DRAM1: variants seen among roughly 807,000 people sequenced by gnomAD.
DRAM1 encodes the protein DNA damage regulated autophagy modulator 1, also known as DNA damage-regulated autophagy modulator protein 1.
Under a neutral mutation model 28.5 loss-of-function variants are expected in DRAM1, and 25 were observed. The observed-to-expected ratio is 0.88, with a 90% confidence interval of 0.64 to 1.23. The LOEUF (loss-of-function observed/expected upper bound fraction) is 1.23. DRAM1 is among the 50% of genes most tolerant of loss of function. The pLI, the probability that DRAM1 is intolerant of heterozygous loss-of-function variation, is 0.00. For synonymous variants in DRAM1, 113 were observed against 114.2 expected (o/e 0.99, Z 0.07); for missense variants, 249 against 299.2 (o/e 0.83, Z 1.24).
At chr12:101,897,524 T>G (rs368721348) in intron 1 of DRAM1, among the ~76,000 whole-genome samples, 74 of 113,066 alleles carry the variant, frequency 6.5e-4, no homozygotes, top group African/African-American at 1.9e-3. Flanking sequence ...TAGATCTTTT[T>G]TTTTTGTTTT....
chr12:101,918,653 C>A (rs1874348011), intron 5 of DRAM1, among the ~76,000 whole-genome samples: 1 of 152,226 alleles, frequency 6.6e-6, no homozygotes, highest in Non-Finnish European at 1.5e-5. Context: ...TTTACTTACC[C>A]TTGTAGCCTA....
chr12:101,897,161 G>A (rs1001295242), intron 1 of DRAM1, among the ~76,000 whole-genome samples: 1 of 151,798 alleles, frequency 6.6e-6, no homozygotes, highest in Non-Finnish European at 1.5e-5. Context: ...GTGTTTATGT[G>A]TATTTAACAT....
At position 101,922,004 on chromosome 12, in the gene DRAM1, A is replaced by C. The variant is rs1306289199; in HGVS notation, c.*744A>C. 6.6e-6 allele frequency: 1 copy of C among 152,238 alleles called. No individual in the cohort carries two copies. The highest frequency in any genetic ancestry group is 1.5e-5 in the Non-Finnish European group (1 of 68,040). 9.4% of individuals were successfully genotyped at this position (152,238 alleles called of 1,614,324 possible). ...AATGCCAGGTGGAATGGTTTCAACA[A>C]GTCAGGTGAAAACCATCCTTTATTG... On this transcript the variant is annotated 3_prime_UTR_variant, in exon 7 of 7. Transcript: ENST00000258534.
intron 1 of DRAM1, among the ~76,000 whole-genome samples, chr12:101,895,645 A>G (rs1260372855): frequency 1.5e-5 from 2 of 133,338 alleles, no homozygotes; most frequent in Non-Finnish European, 3.0e-5. Flanking sequence ...ATCTCGGCTC[A>G]CTGCAACCTC....
intron 1 of DRAM1, among the ~76,000 whole-genome samples, chr12:101,881,452 A>C (rs10860810): frequency 0.13 from 19,358 of 151,998 alleles, 1,616 homozygotes; most frequent in African/African-American, 0.24. Flanking sequence ...ACCTCAGCCT[A>C]CTGAGTACTT....
chr12:101,878,070 C>T lies in DRAM1; in HGVS notation c.131+150C>T, dbSNP rs1261993951. 3.5e-6 allele frequency: 4 copies of T among 1,157,428 alleles called. No individual in the cohort carries two copies. In the East Asian group the frequency reaches 1.2e-4, roughly 36 times the overall value. 71.7% of individuals were successfully genotyped at this position (1,157,428 alleles called of 1,614,324 possible). ...GCAGGAGGAGAGGTGCTCCCGATAG[C>T]CTGGGATGTTTAGGGAGGCAGCGGG... On this transcript the variant is annotated intron_variant, in intron 1 of 6. Transcript: ENST00000258534.
chr12:101,908,337 C>A lies in DRAM1; in HGVS notation c.494C>A (p.Ala165Asp), dbSNP rs755160311. The change falls in exon 4 of 7, where the codon GCC (alanine) becomes GAC (aspartate). Residue 165 changes from alanine to aspartate, a missense_variant. Ala to Asp is a moderately radical substitution (Grantham distance 126). Coordinates refer to ENST00000258534, the MANE Select transcript of DRAM1 (RefSeq NM_018370.3). Reference sequence around the variant, plus strand: ...TGCCACATACGGATGGTCATCTCTGCCGTTTCTTGCGCAGCTGTCATCCCC... The same window carrying A: ...TGCCACATACGGATGGTCATCTCTGACGTTTCTTGCGCAGCTGTCATCCCC... ...STCHIRMVISAVSCAAVIPMI... is the reference protein window; with the variant it reads ...STCHIRMVISDVSCAAVIPMI... 6.2e-7 allele frequency: 1 copy of A among 1,611,334 alleles called. No homozygotes were observed. The highest frequency in any genetic ancestry group is 2.2e-5 in the East Asian group (1 of 44,870).
chr12:101,919,406 C>T (rs1391217588), intron 5 of DRAM1, among the ~76,000 whole-genome samples: 3 of 152,062 alleles, frequency 2.0e-5, no homozygotes, highest in Non-Finnish European at 4.4e-5. Flanking sequence ...CCTCTCTTTT[C>T]ACAACCATCA....
intron 2 of DRAM1, 149 bp from the exon 3 acceptor site, chr12:101,901,142 A>T (rs1430467295): frequency 3.0e-6 from 2 of 668,198 alleles, no homozygotes; most frequent in Non-Finnish European, 5.0e-6. Context: ...TGCTGGGGAG[A>T]GAGTAAGATG....
intron 1 of DRAM1, among the ~76,000 whole-genome samples, chr12:101,896,792 CTTTTTTTT>C (rs965112322): frequency 6.9e-6 from 1 of 144,876 alleles, no homozygotes; most frequent in Admixed American, 6.9e-5. Flanking sequence ...TTTTCTTTTT[CTTTTTTTT>C]TTTTGAGACA....
intron 1 of DRAM1, among the ~76,000 whole-genome samples, chr12:101,885,823 C>T (rs1413463721): frequency 2.0e-5 from 3 of 152,040 alleles, no homozygotes; most frequent in Non-Finnish European, 2.9e-5. Flanking sequence ...CCACCGCGTC[C>T]GGCCTCCCAG....
At chr12:101,920,338 G>T in intron 6 of DRAM1, 137 bp downstream of exon 6, 1 of 301,686 alleles carries the variant, frequency 3.3e-6, no homozygotes, top group Non-Finnish European at 5.0e-6. Flanking sequence ...TCGCTCTGTC[G>T]CCCAGGCCGG....
chr12:101,920,296 T>TA, intron 6 of DRAM1, 95 bp downstream of exon 6: 97 of 359,422 alleles, frequency 2.7e-4, no homozygotes, highest in Non-Finnish European at 3.5e-4. Flanking sequence ...AAGAGCACTT[T>TA]CTTTTTTTTT....
At chr12:101,888,601 T>A (rs1872975390) in intron 1 of DRAM1, among the ~76,000 whole-genome samples, 1 of 152,164 alleles carries the variant, frequency 6.6e-6, no homozygotes, top group Admixed American at 6.6e-5. Flanking sequence ...CTGAGTCTAC[T>A]GTAAATATAT....
At chr12:101,918,138 A>C (rs916582316) in intron 5 of DRAM1, among the ~76,000 whole-genome samples, 2 of 152,236 alleles carry the variant, frequency 1.3e-5, no homozygotes, top group African/African-American at 4.8e-5. Context: ...TTCACTGAAT[A>C]ATCATTTAGG....
chr12:101,879,005 A>AT (rs1872597030), intron 1 of DRAM1, among the ~76,000 whole-genome samples: 1 of 144,294 alleles, frequency 6.9e-6, no homozygotes, highest in Non-Finnish European at 1.5e-5. Context: ...AATTTTTTTT[A>AT]TTTTTTTGAG....
At chr12:101,916,068 C>T (rs1439376838) in intron 5 of DRAM1, among the ~76,000 whole-genome samples, 2 of 152,182 alleles carry the variant, frequency 1.3e-5, no homozygotes, top group African/African-American at 4.8e-5. Flanking sequence ...TCAAAGATGA[C>T]TTCTAAGTTT....
In DRAM1 at chr12:101,914,183, G is replaced by A; in HGVS notation, c.530G>A (p.Cys177Tyr). The change falls in exon 5 of 7, where the codon TGT (cysteine) becomes TAT (tyrosine). Residue 177 changes from cysteine to tyrosine, a missense_variant. Physicochemically the swap from Cys to Tyr is radical, Grantham distance 194. This residue lies in a region of DRAM1 where 218 missense variants were observed against 243.1 expected (regional missense o/e 0.90). Transcript: ENST00000258534. ...TGTTTACTTCTTTCAGTGATTGTCT[G>A]TGCTTCACTAATTTCCATAACCAAG... The part of the protein sequence containing the change: ...SCAAVIPMIV[C>Y]ASLISITKLE... 5.0e-6 allele frequency: 8 copies of A among 1,608,416 alleles called. No homozygotes were observed. The Middle Eastern group carries it at 5.0e-4, about 100-fold the overall frequency.
intron 6 of DRAM1, 97 bp from the exon 7 acceptor site, chr12:101,921,119 T>G (rs536496588): frequency 1.1e-6 from 1 of 889,898 alleles, no homozygotes; most frequent in African/African-American, 1.6e-5. Flanking sequence ...CATAGTGAGA[T>G]CATTCCTTAG....
Sources: allele counts gnomAD v4.1 joint callset (sites outside exome capture counted in the v4.1 genomes callset), GRCh38; gene constraint gnomAD v4.1.1; regional missense constraint gnomAD v4.1.1; transcripts MANE v1.5; gene names NCBI Gene and HGNC (gene_info 2026-07-23, HGNC 2026-07-21).